NCOA1: variants seen among roughly 807,000 people sequenced by gnomAD.
NCOA1 encodes the protein nuclear receptor coactivator 1.
NCOA1 carries 35 observed loss-of-function variants against 150.9 expected under a neutral mutation model. The observed-to-expected ratio is 0.23, with a 90% CI of 0.18 to 0.31. NCOA1 has a LOEUF of 0.31. Ranked by LOEUF, NCOA1 falls within the 10% of genes least tolerant of loss-of-function variation. The pLI, the probability that NCOA1 is intolerant of heterozygous loss-of-function variation, is 1.00. For missense variants in NCOA1, 1,491 were observed against 1,749.3 expected (o/e 0.85, Z 2.63); for synonymous variants, 590 against 630.0 (o/e 0.94, Z 0.95).
chr2:24,525,284 G>GCACCACT (rs1343585868), intron 1 of NCOA1, among the ~76,000 whole-genome samples: 63 of 152,234 alleles, frequency 4.1e-4, no homozygotes, highest in Non-Finnish European at 6.9e-4. Flanking sequence ...ACTAGTGGTG[G>GCACCACT]AGTTAAAGAT....
intron 3 of NCOA1, among the ~76,000 whole-genome samples, chr2:24,591,474 C>G (rs949816363): frequency 2.0e-5 from 3 of 152,176 alleles, no homozygotes; most frequent in African/African-American, 7.2e-5. Flanking sequence ...ACTCTTAGCA[C>G]ACTGCCTGGC....
chr2:24,604,186 C>A (rs1235033708), intron 3 of NCOA1, among the ~76,000 whole-genome samples: 1 of 152,148 alleles, frequency 6.6e-6, no homozygotes, highest in Admixed American at 6.5e-5. Context: ...AACAGATGTG[C>A]TGTCATCTAG....
At chr2:24,588,640 C>T (rs766112903) in intron 3 of NCOA1, among the ~76,000 whole-genome samples, 4 of 152,160 alleles carry the variant, frequency 2.6e-5, no homozygotes, top group Non-Finnish European at 5.9e-5. Context: ...GTTGTACTGG[C>T]CATCATTGGT....
chr2:24,594,028 A>G (rs1016942022), intron 3 of NCOA1, among the ~76,000 whole-genome samples: 1 of 152,134 alleles, frequency 6.6e-6, no homozygotes, highest in Admixed American at 6.6e-5. Flanking sequence ...TAAGATCCTG[A>G]TATTTGCCTC....
chr2:24,503,027 T>C (rs1287892414), intron 1 of NCOA1, among the ~76,000 whole-genome samples: 1 of 152,240 alleles, frequency 6.6e-6, no homozygotes, highest in Non-Finnish European at 1.5e-5. Context: ...TTTTGTCCTC[T>C]GCAGTGTCTT....
At chr2:24,753,432 T>C (rs768888388) in intron 20 of NCOA1, among the ~76,000 whole-genome samples, 47 of 152,118 alleles carry the variant, frequency 3.1e-4, no homozygotes, top group Non-Finnish European at 5.9e-5. Flanking sequence ...CCTTTACAGT[T>C]AAATTCCTTA....
At chr2:24,563,850 C>G (rs1310548650) in intron 1 of NCOA1, among the ~76,000 whole-genome samples, 1 of 152,196 alleles carries the variant, frequency 6.6e-6, no homozygotes, top group Non-Finnish European at 1.5e-5. Flanking sequence ...TATCCCACTT[C>G]CAGTGGCCTA....
chr2:24,636,531 T>G (rs1281701422), intron 3 of NCOA1, among the ~76,000 whole-genome samples: 1 of 152,136 alleles, frequency 6.6e-6, no homozygotes, highest in Non-Finnish European at 1.5e-5. Context: ...TCCTTAAAAT[T>G]ATTGACACAA....
At chr2:24,531,566 C>T (rs534126554) in intron 1 of NCOA1, among the ~76,000 whole-genome samples, 1 of 152,182 alleles carries the variant, frequency 6.6e-6, no homozygotes, top group African/African-American at 2.4e-5. Context: ...ATCAACTCAT[C>T]ATTTACATTA....
intron 1 of NCOA1, among the ~76,000 whole-genome samples, chr2:24,534,065 C>T (rs1460772344): frequency 6.8e-6 from 1 of 147,844 alleles, no homozygotes; most frequent in Non-Finnish European, 1.5e-5. Context: ...GTGAATCCGT[C>T]TGGTCCTGGA....
chr2:24,576,149 G>GTTTTTTTTTGTTTGTTTTTTTTTTTT (rs1666947727), intron 2 of NCOA1, among the ~76,000 whole-genome samples: 1 of 94,024 alleles, frequency 1.1e-5, no homozygotes, highest in African/African-American at 4.5e-5. Context: ...TTTGGCCTTT[G>GTTTTTTTTTGTTTGTTTTTTTTTTTT]TTTTTTTTTT....
chr2:24,767,979 C>T, intron 22 of NCOA1: 1 of 1,176,604 alleles, frequency 8.5e-7, no homozygotes, highest in Non-Finnish European at 1.3e-6. Flanking sequence ...TTGATGGCAA[C>T]CCTATAGGAG....
At chr2:24,736,393 G>A (rs931283562) in intron 17 of NCOA1, among the ~76,000 whole-genome samples, 1 of 151,934 alleles carries the variant, frequency 6.6e-6, no homozygotes, top group African/African-American at 2.4e-5. Flanking sequence ...AAACAAATAT[G>A]GTATACTTAG....
At chr2:24,514,370 A>G (rs1664071901) in intron 1 of NCOA1, among the ~76,000 whole-genome samples, 1 of 151,778 alleles carries the variant, frequency 6.6e-6, no homozygotes, top group South Asian at 2.1e-4. Context: ...TCACATAAGC[A>G]TTGGTAATAG....
chr2:24,551,160 A>G lies in NCOA1; in HGVS notation c.-395-13135A>G, dbSNP rs549373851. On this transcript the variant is annotated intron_variant, in intron 1 of 22. Coordinates refer to ENST00000348332, the MANE Select transcript of NCOA1 (RefSeq NM_003743.5). Reference sequence around the variant, plus strand: ...GTTGTCTTTTTTTGTAAGGCAGAACACTGGATGCTCTATCCAGGCAAGATT... The same window carrying G: ...GTTGTCTTTTTTTGTAAGGCAGAACGCTGGATGCTCTATCCAGGCAAGATT... Among the ~76,000 whole-genome samples the G allele has an allele frequency of 3.9e-5, 6 of 152,098 alleles. No homozygotes were observed. In the South Asian group the frequency reaches 1.2e-3, roughly 32 times the overall value.
intron 3 of NCOA1, among the ~76,000 whole-genome samples, chr2:24,624,009 T>G (rs1447726679): frequency 6.6e-6 from 1 of 152,194 alleles, no homozygotes; most frequent in Non-Finnish European, 1.5e-5. Context: ...CAAAATTGTT[T>G]TATTAATAAT....
At chr2:24,561,571 G>A (rs1666294171) in intron 1 of NCOA1, among the ~76,000 whole-genome samples, 1 of 152,128 alleles carries the variant, frequency 6.6e-6, no homozygotes. Flanking sequence ...TATGCAAAAA[G>A]GTAGCTTTCT....
rs13414627 is a variant in NCOA1, at chr2:24,644,399, C to T, written c.-18+277C>T. 9.0e-3 allele frequency among the ~76,000 whole-genome samples: 1,373 copies of T among 152,144 alleles called. 29 individuals carry two copies. The highest frequency in any genetic ancestry group is 0.031 in the African/African-American group (1,305 of 41,496). ...AATGGCAGCAGAAACTGTAGTAAACCATCTCCAGATTTGCTTCATATATTT... is the reference window on the plus strand; with the variant it reads ...AATGGCAGCAGAAACTGTAGTAAACTATCTCCAGATTTGCTTCATATATTT... On this transcript the variant is annotated intron_variant, in intron 4 of 22. Transcript: ENST00000348332.
At chr2:24,666,204 C>T (rs1436528695) in intron 6 of NCOA1, among the ~76,000 whole-genome samples, 6 of 151,490 alleles carry the variant, frequency 4.0e-5, no homozygotes, top group South Asian at 2.1e-4. Flanking sequence ...TTAGTAGAGA[C>T]GGGGTTTCAC....
Sources: allele counts gnomAD v4.1 joint callset (sites outside exome capture counted in the v4.1 genomes callset), GRCh38; gene constraint gnomAD v4.1.1; transcripts MANE v1.5; gene names NCBI Gene and HGNC (gene_info 2026-07-23, HGNC 2026-07-21).